The following ARHGAP15 variants were observed in gnomAD, a reference collection of about 807,000 sequenced individuals.
ARHGAP15 encodes the protein rho GTPase-activating protein 15.
Under a neutral mutation model 63.7 loss-of-function variants are expected in ARHGAP15, and 51 were observed. The observed-to-expected ratio is 0.80, with a 90% confidence interval of 0.64 to 1.01. The LOEUF is 1.01. ARHGAP15 is among the 50% of genes least tolerant of loss of function. The pLI is 0.00. For synonymous variants in ARHGAP15, 191 were observed against 193.8 expected (o/e 0.99, Z 0.12); for missense variants, 560 against 564.6 (o/e 0.99, Z 0.08).
At chr2:143,570,763 T>A (rs1696414398) in intron 11 of ARHGAP15, among the ~76,000 whole-genome samples, 1 of 152,250 alleles carries the variant, frequency 6.6e-6, no homozygotes, top group South Asian at 2.1e-4. Flanking sequence ...ACACATTATT[T>A]CTTTTGAAAA....
intron 5 of ARHGAP15, among the ~76,000 whole-genome samples, chr2:143,230,004 GT>G (rs1311590916): frequency 6.6e-6 from 1 of 151,990 alleles, no homozygotes; most frequent in Non-Finnish European, 1.5e-5. Context: ...GTTTTATTTT[GT>G]TTTTATTTTT....
intron 6 of ARHGAP15, among the ~76,000 whole-genome samples, chr2:143,301,886 G>C (rs1682918912): frequency 6.6e-6 from 1 of 151,700 alleles, no homozygotes; most frequent in South Asian, 2.1e-4. Flanking sequence ...TATGGAGACA[G>C]ATGATAGAGA....
chr2:143,470,570 A>AGTGTGTGTGTGTACATATATATATGCAT (rs1558992946), intron 8 of ARHGAP15, among the ~76,000 whole-genome samples: 3 of 149,986 alleles, frequency 2.0e-5, no homozygotes. Flanking sequence ...GCATAAAAGT[A>AGTGTGTGTGTGTACATATATATATGCAT]GTGTGTGTGT....
intron 9 of ARHGAP15, among the ~76,000 whole-genome samples, chr2:143,505,230 C>A (rs767775085): frequency 3.9e-5 from 6 of 152,184 alleles, no homozygotes; most frequent in Non-Finnish European, 8.8e-5. Context: ...ATACAGTAGG[C>A]AGATCCAACT....
chr2:143,467,780 C>CTT (rs919277867), intron 8 of ARHGAP15, among the ~76,000 whole-genome samples: 14 of 152,176 alleles, frequency 9.2e-5, no homozygotes, highest in African/African-American at 2.9e-4. Flanking sequence ...TTTACTGAGT[C>CTT]TATTGCTAAT....
chr2:143,588,165 A>G (rs66571674), intron 11 of ARHGAP15, among the ~76,000 whole-genome samples: 32,411 of 152,064 alleles, frequency 0.21, 3,735 homozygotes, highest in Middle Eastern at 0.28. Flanking sequence ...TGGGAAGCCA[A>G]TGGCACCTGC....
intron 3 of ARHGAP15, among the ~76,000 whole-genome samples, chr2:143,208,870 C>G (rs1692455806): frequency 6.6e-6 from 1 of 151,762 alleles, no homozygotes; most frequent in Non-Finnish European, 1.5e-5. Flanking sequence ...TATGGAAAAC[C>G]CTGCAGGAGT....
chr2:143,655,460 T>C (rs1681388242), intron 12 of ARHGAP15, among the ~76,000 whole-genome samples: 1 of 152,216 alleles, frequency 6.6e-6, no homozygotes, highest in South Asian at 2.1e-4. Context: ...ACATCAATTT[T>C]CTCATCTTTA....
intron 6 of ARHGAP15, among the ~76,000 whole-genome samples, chr2:143,308,400 T>G (rs1158227690): frequency 1.3e-5 from 2 of 151,992 alleles, no homozygotes; most frequent in African/African-American, 4.8e-5. Flanking sequence ...ATTAGGCAAG[T>G]GACTGACCCT....
chr2:143,683,072 T>C (rs1025165475), intron 12 of ARHGAP15: 4 of 152,236 alleles, frequency 2.6e-5, no homozygotes, highest in Non-Finnish European at 4.4e-5. Flanking sequence ...CATATTGTTA[T>C]TTAAGCCTTC....
chr2:143,572,846 T>C (rs1290092253), intron 11 of ARHGAP15, among the ~76,000 whole-genome samples: 1 of 152,000 alleles, frequency 6.6e-6, no homozygotes, highest in Non-Finnish European at 1.5e-5. Flanking sequence ...TTTTAAAAGA[T>C]AAAACATACA....
chr2:143,605,257 A>G (rs1697943548), intron 11 of ARHGAP15, among the ~76,000 whole-genome samples: 1 of 152,186 alleles, frequency 6.6e-6, no homozygotes, highest in South Asian at 2.1e-4. Context: ...CAGCCCAGCA[A>G]CTGAGGCTGA....
chr2:143,585,732 T>C (rs1008648762), intron 11 of ARHGAP15, among the ~76,000 whole-genome samples: 4 of 152,178 alleles, frequency 2.6e-5, no homozygotes, highest in Admixed American at 1.3e-4. Context: ...TTAGTACAAT[T>C]ATTCTTCCTT....
chr2:143,386,160 C>T (rs562670780), intron 6 of ARHGAP15, among the ~76,000 whole-genome samples: 1 of 152,168 alleles, frequency 6.6e-6, no homozygotes, highest in Admixed American at 6.5e-5. Context: ...TATATTACAG[C>T]CTGATACCAC....
chr2:143,303,103 C>CA (rs1217776821), intron 6 of ARHGAP15, among the ~76,000 whole-genome samples: 1 of 151,968 alleles, frequency 6.6e-6, no homozygotes, highest in African/African-American at 2.4e-5. Flanking sequence ...TAGGCATGGG[C>CA]AAAGACTTCA....
intron 6 of ARHGAP15, among the ~76,000 whole-genome samples, chr2:143,256,682 A>G (rs1369750590): frequency 6.6e-6 from 1 of 151,946 alleles, no homozygotes; most frequent in Non-Finnish European, 1.5e-5. Flanking sequence ...AGGGAAAGAG[A>G]TATGATTATT....
At chr2:143,262,067 T>C (rs1328562779) in intron 6 of ARHGAP15, among the ~76,000 whole-genome samples, 1 of 152,044 alleles carries the variant, frequency 6.6e-6, no homozygotes, top group African/African-American at 2.4e-5. Flanking sequence ...AACCAGGAAA[T>C]ATCCACAGCA....
At chr2:143,152,785 TA>T (rs1254423154) in intron 1 of ARHGAP15, among the ~76,000 whole-genome samples, 3 of 151,784 alleles carry the variant, frequency 2.0e-5, no homozygotes, top group African/African-American at 7.3e-5. Context: ...GGAAGCAGAA[TA>T]AAGAGAACAA....
Position 143,155,595 on chromosome 2 carries a change from T to C in ARHGAP15, c.105T>C (p.His35=). Residue 35 remains histidine, a synonymous_variant, in exon 2 of 14, where the codon CAT becomes CAC. Coordinates refer to ENST00000295095, the MANE Select transcript of ARHGAP15 (RefSeq NM_018460.4). ...QMRIKNANSH[H]DRLSQSKSMI... Reference sequence around the variant, plus strand: ...GAATCAAAAATGCCAACAGCCACCATGACAGGCTCAGCCAAAGTAAATCCA... The same window carrying C: ...GAATCAAAAATGCCAACAGCCACCACGACAGGCTCAGCCAAAGTAAATCCA... 1.2e-6 allele frequency: 2 copies of C among 1,608,888 alleles called. No individual in the cohort carries two copies. Among genetic ancestry groups the C allele is most frequent in the Non-Finnish European group, 1.7e-6 (2 of 1,177,794 alleles).
Sources: allele counts gnomAD v4.1 joint callset (sites outside exome capture counted in the v4.1 genomes callset), GRCh38; gene constraint gnomAD v4.1.1; transcripts MANE v1.5; gene names NCBI Gene and HGNC (gene_info 2026-07-23, HGNC 2026-07-21).